Variants in MACROH2A1 observed in about 807,000 individuals in gnomAD.
The protein encoded by MACROH2A1 is core histone macro-H2A.1.
In MACROH2A1, 2 loss-of-function variants were observed where a neutral mutation model predicts 31.6. The ratio of observed to expected loss-of-function variants is 0.06; its 90% CI spans 0.03 to 0.20. MACROH2A1 has a LOEUF of 0.20. Ranked by LOEUF, MACROH2A1 falls within the 10% of genes least tolerant of loss-of-function variation. The probability of loss-of-function intolerance (pLI) is 1.00; values close to 1 mark genes in which losing one functional copy is unlikely to be tolerated. For synonymous variants in MACROH2A1, 169 were observed against 189.6 expected (o/e 0.89, Z 0.89); for missense variants, 230 against 474.0 (o/e 0.49, Z 4.78).
Position 135,355,548 on chromosome 5 carries a change from A to G in MACROH2A1, c.589-2503T>C, listed in dbSNP as rs556001537. The stretch of plus-strand genomic sequence containing the variant: ...AATGTGTACAAATATGTATTTTTAA[A>G]CAATCTTGACTAGAAAGTGTGTGCT... On this transcript the variant is annotated intron_variant, in intron 5 of 8. Transcript: ENST00000511689. 30 of 243,142 alleles carry G rather than the reference A, an allele frequency of 1.2e-4. No homozygotes were observed. The South Asian group carries it at 1.5e-3, about 12-fold the overall frequency. 15.1% of individuals were successfully genotyped at this position (243,142 alleles called of 1,614,324 possible).
chr5:135,394,880 A>C (rs150894929), intron 1 of MACROH2A1, among the ~76,000 whole-genome samples: 42 of 152,328 alleles, frequency 2.8e-4, no homozygotes, highest in African/African-American at 9.1e-4. Flanking sequence ...TGGCACTGAC[A>C]GTGGATAGGG....
chr5:135,388,866 A>G (rs1766797604), intron 2 of MACROH2A1, 56 bp downstream of exon 2: 5 of 1,408,724 alleles, frequency 3.5e-6, no homozygotes, highest in African/African-American at 1.4e-5. Context: ...TTGGAGAACT[A>G]TGAGAACTTC....
intron 1 of MACROH2A1, among the ~76,000 whole-genome samples, chr5:135,394,750 C>T (rs1415302698): frequency 6.6e-6 from 1 of 152,154 alleles, no homozygotes; most frequent in Admixed American, 6.5e-5. Context: ...TGCCTATTTA[C>T]CTGTCTGTCT....
Position 135,369,344 on chromosome 5 carries a change from G to T in MACROH2A1, c.477+62C>A. On this transcript the variant is annotated intron_variant, in intron 4 of 8. Transcript: ENST00000511689. The surrounding 1 kb of genome is among the most constrained non-coding windows in gnomAD (Gnocchi z 4.3). ...CAGGGGGAATGAGGGGGGTGCCCTGGTAACCCTGTTTATCCGTACCCCATC... is the reference window on the plus strand; with the variant it reads ...CAGGGGGAATGAGGGGGGTGCCCTGTTAACCCTGTTTATCCGTACCCCATC... 7.3e-7 allele frequency: 1 copy of T among 1,367,760 alleles called. No homozygotes were observed. The highest frequency in any genetic ancestry group is 1.0e-6 in the Non-Finnish European group (1 of 957,356). The allele number at this position is 1,367,760 out of a possible 1,614,324, so 84.7% of individuals were successfully genotyped here.
chr5:135,391,395 T>TA (rs1307838015), intron 1 of MACROH2A1, among the ~76,000 whole-genome samples: 1 of 152,180 alleles, frequency 6.6e-6, no homozygotes, highest in Non-Finnish European at 1.5e-5. Context: ...GCTGGGCATG[T>TA]CTGGGGCTGC....
At chr5:135,382,660 T>C (rs550368650) in intron 2 of MACROH2A1, among the ~76,000 whole-genome samples, 35 of 152,252 alleles carry the variant, frequency 2.3e-4, no homozygotes, top group Non-Finnish European at 7.4e-5. Flanking sequence ...TTTATGAAAA[T>C]CAAGCATTTC....
rs1050078738 is a variant in MACROH2A1 at position 135,352,221 on chromosome 5, G to A, written c.688+725C>T. 5.9e-5 allele frequency among the ~76,000 whole-genome samples: 9 copies of A among 152,234 alleles called. 1 individual carries two copies. The highest frequency in any genetic ancestry group is 1.3e-4 in the Admixed American group (2 of 15,290). On this transcript the variant is annotated intron_variant, in intron 6 of 8. Transcript: ENST00000511689. ...CGAAGAGCAGCAGAGCAGCCCTGTC[G>A]TGCCATTGAGCTGACAGTGCCACAT...
At chr5:135,374,226 C>T (rs1029365057) in intron 2 of MACROH2A1, among the ~76,000 whole-genome samples, 1 of 152,182 alleles carries the variant, frequency 6.6e-6, no homozygotes, top group Non-Finnish European at 1.5e-5. Flanking sequence ...GAAAGAGTTG[C>T]CTGCTGCAGA....
chr5:135,369,950 A>G lies in MACROH2A1; in HGVS notation c.279+86T>C. On this transcript the variant is annotated intron_variant, in intron 3 of 8. Transcript: ENST00000511689. This position sits in a 1 kb window ranked among gnomAD's most constrained non-coding sequence, Gnocchi z 4.3. Reference sequence around the variant, plus strand: ...AAGGCAGTCCACACCTTTCATAACCAGCCAACACCAAAGCCTCTCAGCTAT... The same window carrying G: ...AAGGCAGTCCACACCTTTCATAACCGGCCAACACCAAAGCCTCTCAGCTAT... 1 of 864,436 alleles carries G rather than the reference A, an allele frequency of 1.2e-6. No individual in the cohort carries two copies. 53.5% of individuals were successfully genotyped at this position (864,436 alleles called of 1,614,324 possible).
At chr5:135,340,578 A>AG (rs939193973) in intron 8 of MACROH2A1, among the ~76,000 whole-genome samples, 1 of 152,230 alleles carries the variant, frequency 6.6e-6, no homozygotes, top group Non-Finnish European at 1.5e-5. Context: ...CACAGGCTGG[A>AG]GGGAGCCATC....
chr5:135,343,708 G>C (rs1760333409), intron 7 of MACROH2A1: 2 of 471,130 alleles, frequency 4.2e-6, no homozygotes. Flanking sequence ...AAGCATACAC[G>C]GTTCTCCCAG....
intron 5 of MACROH2A1, chr5:135,359,603 A>G: frequency 1.0e-6 from 1 of 984,794 alleles, no homozygotes; most frequent in Non-Finnish European, 1.2e-6. Flanking sequence ...AGAACTTGCA[A>G]TGACGTGAGC....
At chr5:135,387,668 T>C (rs1467204169) in intron 2 of MACROH2A1, among the ~76,000 whole-genome samples, 1 of 152,190 alleles carries the variant, frequency 6.6e-6, no homozygotes, top group East Asian at 1.9e-4. Flanking sequence ...TTGCAGGCTG[T>C]ATATAACCCC....
At chr5:135,368,214 G>C (rs1763758801) in intron 4 of MACROH2A1, among the ~76,000 whole-genome samples, 1 of 152,232 alleles carries the variant, frequency 6.6e-6, no homozygotes, top group Non-Finnish European at 1.5e-5. Context: ...AAGAAGGTTG[G>C]GGTTCACAGA....
In MACROH2A1 at chr5:135,343,253, C is replaced by T. The variant is rs1407185904; in HGVS notation, c.953+7G>A. On this transcript the variant is annotated splice_region_variant and intron_variant, in intron 8 of 8. Coordinates refer to ENST00000511689, the MANE Select transcript of MACROH2A1 (RefSeq NM_138610.3). ...ATGACCGATACGTAACAAGCATGTG[C>T]CCCTACCTGCCGCTGCCGATGGATG... 3 of 1,613,854 alleles carry T rather than the reference C, an allele frequency of 1.9e-6. No individual in the cohort carries two copies. The highest frequency in any genetic ancestry group is 3.3e-5 in the Admixed American group (2 of 60,022).
chr5:135,358,681 T>C, intron 5 of MACROH2A1: 2 of 943,650 alleles, frequency 2.1e-6, no homozygotes, highest in Non-Finnish European at 2.5e-6. Context: ...TCATTCTCCA[T>C]TTTTAAAAAT....
chr5:135,370,517 G>A (rs891496735), intron 2 of MACROH2A1, among the ~76,000 whole-genome samples: 1 of 150,042 alleles, frequency 6.7e-6, no homozygotes, highest in African/African-American at 2.5e-5. Flanking sequence ...AGTCCTCAGT[G>A]TGGTCCCTGA....
At chr5:135,394,190 C>T (rs993709887) in intron 1 of MACROH2A1, among the ~76,000 whole-genome samples, 15 of 152,210 alleles carry the variant, frequency 9.9e-5, no homozygotes, top group Admixed American at 4.6e-4. Flanking sequence ...CTGCTCCCTG[C>T]ACTGCAAACC....
chr5:135,378,423 T>C (rs1401146072), intron 2 of MACROH2A1, among the ~76,000 whole-genome samples: 1 of 152,216 alleles, frequency 6.6e-6, no homozygotes, highest in East Asian at 1.9e-4. Flanking sequence ...AAGGCCTATC[T>C]TGCAGGACCC....
Sources: allele counts gnomAD v4.1 joint callset (sites outside exome capture counted in the v4.1 genomes callset), GRCh38; gene constraint gnomAD v4.1.1; non-coding constraint Gnocchi (gnomAD v3.1); transcripts MANE v1.5; gene names NCBI Gene and HGNC (gene_info 2026-07-23, HGNC 2026-07-21).